Variants in EVI5 observed in about 807,000 individuals in gnomAD.
EVI5 encodes the protein ecotropic viral integration site 5 protein homolog.
In EVI5, 73 loss-of-function variants were observed where a neutral mutation model predicts 112.0. The ratio of observed to expected loss-of-function variants is 0.65; its 90% CI spans 0.54 to 0.79. The LOEUF (loss-of-function observed/expected upper bound fraction) is 0.79, where lower values mean the gene tolerates loss of function less well. EVI5 is among the 30% of genes least tolerant of loss of function. The pLI is 0.00. For missense variants in EVI5, 900 were observed against 968.8 expected, an observed-to-expected ratio of 0.93 and a Z score of 0.94; for synonymous variants, 305 against 319.9, an observed-to-expected ratio of 0.95 and a Z score of 0.50.
chr1:92,753,771 A>T (rs1680526265), intron 1 of EVI5, among the ~76,000 whole-genome samples: 1 of 152,206 alleles, frequency 6.6e-6, no homozygotes, highest in South Asian at 2.1e-4. Context: ...TCTGAATATA[A>T]TTAGATATAA....
At chr1:92,787,321 A>C (rs1416023730), upstream of EVI5, among the ~76,000 whole-genome samples, 1 of 152,210 alleles carries the variant, frequency 6.6e-6, no homozygotes, top group Non-Finnish European at 1.5e-5. Flanking sequence ...GGGTTGTCAC[A>C]AGATTCTTTG....
At chr1:92,696,810 G>A (rs1039854796) in intron 6 of EVI5, among the ~76,000 whole-genome samples, 6 of 152,150 alleles carry the variant, frequency 3.9e-5, no homozygotes, top group African/African-American at 7.2e-5. Context: ...AGGCCAAGGC[G>A]GGCGGTTCAT....
intron 1 of EVI5, among the ~76,000 whole-genome samples, chr1:92,750,977 C>T (rs1169904016): frequency 1.3e-5 from 2 of 152,030 alleles, no homozygotes; most frequent in African/African-American, 4.8e-5. Context: ...GGTAAAACCC[C>T]GTTTCTACTA....
chr1:92,550,816 CA>C (rs1224588975), intron 19 of EVI5, among the ~76,000 whole-genome samples: 1,213 of 33,090 alleles, frequency 0.037, 52 homozygotes, highest in African/African-American at 0.12. Context: ...ATATATATAA[CA>C]AAAAAAACAA....
chr1:92,687,195 T>C (rs1319634523), intron 9 of EVI5, among the ~76,000 whole-genome samples: 2 of 152,000 alleles, frequency 1.3e-5, no homozygotes, highest in African/African-American at 2.4e-5. Flanking sequence ...AACAGATATA[T>C]AGACCAATGG....
At chr1:92,635,839 A>G (rs1374648553) in intron 14 of EVI5, among the ~76,000 whole-genome samples, 3 of 152,148 alleles carry the variant, frequency 2.0e-5, no homozygotes, top group African/African-American at 7.2e-5. Context: ...TATTAGTCCT[A>G]TTCTATCTCT....
At chr1:92,562,448 T>C (rs1390426493) in intron 19 of EVI5, among the ~76,000 whole-genome samples, 2 of 152,190 alleles carry the variant, frequency 1.3e-5, no homozygotes, top group Non-Finnish European at 2.9e-5. Flanking sequence ...AAGAATGGCA[T>C]GAACCTGGGA....
intron 13 of EVI5, among the ~76,000 whole-genome samples, chr1:92,654,505 T>C (rs1572132787): frequency 6.6e-6 from 1 of 152,304 alleles, no homozygotes; most frequent in East Asian, 1.9e-4. Context: ...ATTGTAGTTA[T>C]ATCCTTCAGA....
intron 1 of EVI5, among the ~76,000 whole-genome samples, chr1:92,771,260 T>A (rs1481498479): frequency 1.3e-5 from 2 of 152,142 alleles, no homozygotes; most frequent in East Asian, 1.9e-4. Context: ...AGACTCTTCA[T>A]CAGCTCATTT....
At chr1:92,599,470 A>T (rs986811397) in intron 18 of EVI5, among the ~76,000 whole-genome samples, 1 of 152,046 alleles carries the variant, frequency 6.6e-6, no homozygotes, top group Non-Finnish European at 1.5e-5. Flanking sequence ...AAAAAGTTTC[A>T]GGTTTTAATG....
At chr1:92,689,122 T>C (rs1409170260) in intron 9 of EVI5, among the ~76,000 whole-genome samples, 1 of 152,140 alleles carries the variant, frequency 6.6e-6, no homozygotes, top group African/African-American at 2.4e-5. Context: ...CAAGGAAATG[T>C]AAATTAAGTG....
chr1:92,712,770 A>C (rs1335178218), intron 2 of EVI5, among the ~76,000 whole-genome samples: 2 of 151,964 alleles, frequency 1.3e-5, no homozygotes, highest in Non-Finnish European at 2.9e-5. Context: ...TGTTTTATGG[A>C]GAGTATCCTC....
chr1:92,640,264 G>C (rs762301252), intron 13 of EVI5, among the ~76,000 whole-genome samples: 2 of 152,054 alleles, frequency 1.3e-5, no homozygotes, highest in Non-Finnish European at 2.9e-5. Flanking sequence ...CTGACAAATG[G>C]GATCTAATTA....
chr1:92,705,781 A>G (rs926782524), intron 2 of EVI5, among the ~76,000 whole-genome samples: 4 of 152,242 alleles, frequency 2.6e-5, no homozygotes, highest in African/African-American at 7.2e-5. Flanking sequence ...AGGAAAAGTC[A>G]TCTGCTTAGG....
intron 13 of EVI5, among the ~76,000 whole-genome samples, chr1:92,655,210 T>C (rs1392803188): frequency 3.4e-5 from 5 of 148,974 alleles, no homozygotes; most frequent in African/African-American, 1.2e-4. Context: ...AAAAAAAAAA[T>C]CCTAAAATCA....
chr1:92,666,003 A>T lies in EVI5; in HGVS notation c.1159-11T>A. 1 of 1,586,774 alleles carries T rather than the reference A, an allele frequency of 6.3e-7. No individual in the cohort carries two copies. Among genetic ancestry groups the T allele is most frequent in the South Asian group, 1.2e-5 (1 of 85,356 alleles). On this transcript the variant is annotated splice_polypyrimidine_tract_variant and intron_variant, in intron 10 of 19. Coordinates refer to ENST00000684568, the MANE Select transcript of EVI5 (RefSeq NM_001350197.2). Reference sequence around the variant, plus strand: ...TTCTGTGCGTAACCTCTGCCAAGAAAAAAAAAGTTTTATTTGCAAGCATTT... The same window carrying T: ...TTCTGTGCGTAACCTCTGCCAAGAATAAAAAAGTTTTATTTGCAAGCATTT...
chr1:92,687,059 C>CA (rs1224928180), intron 9 of EVI5, among the ~76,000 whole-genome samples: 1 of 152,006 alleles, frequency 6.6e-6, no homozygotes, highest in Non-Finnish European at 1.5e-5. Flanking sequence ...CATATGGAAC[C>CA]AAAAAAGAGC....
At chr1:92,789,033 T>C (rs1047048122), upstream of EVI5, among the ~76,000 whole-genome samples, 2 of 152,112 alleles carry the variant, frequency 1.3e-5, no homozygotes, top group African/African-American at 4.8e-5. Flanking sequence ...TTTATACCCC[T>C]GGAAAGTGGT....
chr1:92,524,234 C>T (rs913125084), intron 19 of EVI5, among the ~76,000 whole-genome samples: 1 of 150,438 alleles, frequency 6.6e-6, no homozygotes, highest in African/African-American at 2.4e-5. Context: ...TAAACAAGTA[C>T]TCCAGGTGAT....
Sources: gnomAD v4.1 joint callset for allele counts (sites outside exome capture counted in the v4.1 genomes callset) on GRCh38, gnomAD v4.1.1 for gene constraint, MANE v1.5 for transcripts, NCBI Gene and HGNC (gene_info 2026-07-23, HGNC 2026-07-21) for gene names.